GFRA1: variants seen among roughly 807,000 people sequenced by gnomAD.
GFRA1 encodes GDNF family receptor alpha-1.
GFRA1 carries 16 observed loss-of-function variants against 51.6 expected under a neutral mutation model. The ratio of observed to expected loss-of-function variants is 0.31; its 90% CI spans 0.21 to 0.47. The LOEUF (loss-of-function observed/expected upper bound fraction) is 0.47, where lower values mean the gene tolerates loss of function less well. GFRA1 is among the 20% of genes least tolerant of loss of function. The pLI is 1.00. For synonymous variants in GFRA1, 270 were observed against 241.3 expected (o/e 1.12, Z -1.10); for missense variants, 530 against 594.3 (o/e 0.89, Z 1.13).
At chr10:116,089,594 G>A in intron 9 of GFRA1, 147 bp downstream of exon 9, 1 of 772,686 alleles carries the variant, frequency 1.3e-6, no homozygotes, top group East Asian at 2.4e-5. Context: ...AATCTTCACT[G>A]GTTGTGTTTA....
At chr10:116,096,520 G>A in intron 7 of GFRA1, 135 bp downstream of exon 7, 1 of 682,450 alleles carries the variant, frequency 1.5e-6, no homozygotes, top group East Asian at 2.7e-5. Flanking sequence ...TGTCCTCAAG[G>A]ATTTAACATC....
At position 116,125,342 on chromosome 10, in the gene GFRA1, G is replaced by A. The variant is rs567690402; in HGVS notation, c.649C>T (p.Arg217Trp). The change falls in exon 6 of 11, where the codon CGG becomes TGG. Residue 217 changes from arginine to tryptophan, a missense_variant. By Grantham distance (101) the Arg-to-Trp change is moderately radical. Transcript: ENST00000355422. The stretch of plus-strand genomic sequence containing the variant: ...CTCCGCTCTGTGCAGGCGATGTCCC[G>A]GCAGGAGCAGAAGAGCATTCCGTAG... ...HSYGMLFCSC[R>W]DIACTERRRQ... The A allele has an allele frequency of 2.2e-5, 35 of 1,614,246 alleles. 2 individuals carry two copies. Among genetic ancestry groups the A allele is most frequent in the South Asian group, 2.1e-4 (19 of 91,088 alleles).
At chr10:116,136,244 A>T (rs995368772) in intron 5 of GFRA1, among the ~76,000 whole-genome samples, 1 of 152,220 alleles carries the variant, frequency 6.6e-6, no homozygotes, top group East Asian at 1.9e-4. Flanking sequence ...CTAACATCTC[A>T]TTAGCAGTAA....
chr10:116,079,716 T>C (rs1167983782), intron 9 of GFRA1, among the ~76,000 whole-genome samples: 2 of 152,060 alleles, frequency 1.3e-5, no homozygotes, highest in East Asian at 1.9e-4. Flanking sequence ...AAAATGTCAA[T>C]AGTGCCAATG....
Position 116,177,702 on chromosome 10 carries a change from C to T in GFRA1, c.433+33929G>A, listed in dbSNP as rs538567523. Among the ~76,000 whole-genome samples the T allele has an allele frequency of 6.6e-5, 10 of 151,166 alleles. No individual in the cohort carries two copies. In the South Asian group the frequency reaches 1.9e-3, roughly 29 times the overall value. ...GAAAATGAAACACATGCAGAAGAAA[C>T]GTAAACATACTTCCTGAATATCTGA... On this transcript the variant is annotated intron_variant, in intron 5 of 10. Transcript: ENST00000355422.
chr10:116,213,697 G>A (rs1410246648), intron 4 of GFRA1, among the ~76,000 whole-genome samples: 1 of 152,162 alleles, frequency 6.6e-6, no homozygotes, highest in Non-Finnish European at 1.5e-5. Context: ...TCAGTGGTGT[G>A]GCTGAGACAT....
chr10:116,229,760 T>C (rs1411698676), intron 4 of GFRA1, among the ~76,000 whole-genome samples: 1 of 152,162 alleles, frequency 6.6e-6, no homozygotes, highest in South Asian at 2.1e-4. Context: ...TATGTTACAC[T>C]GTTGGGACTC....
intron 5 of GFRA1, among the ~76,000 whole-genome samples, chr10:116,211,089 G>A (rs890364682): frequency 1.3e-5 from 2 of 152,156 alleles, no homozygotes; most frequent in African/African-American, 4.8e-5. Context: ...TAAAACAGAT[G>A]ACACTGCACA....
At chr10:116,119,559 T>A (rs897274514) in intron 6 of GFRA1, among the ~76,000 whole-genome samples, 1 of 152,236 alleles carries the variant, frequency 6.6e-6, no homozygotes, top group African/African-American at 2.4e-5. Flanking sequence ...AGTGCCAAAT[T>A]AATCTACCCA....
chr10:116,196,579 TATATAGTACTATATATAATATATATATAG>T (rs2134356484), intron 5 of GFRA1, among the ~76,000 whole-genome samples: 1 of 34,534 alleles, frequency 2.9e-5, no homozygotes, highest in South Asian at 1.8e-3. Context: ...ATATATATAA[TATATAGTACTATATATAATATATATATAG>T]TACTATATAT....
intron 9 of GFRA1, among the ~76,000 whole-genome samples, chr10:116,076,828 TG>T (rs1955638694): frequency 6.6e-6 from 1 of 152,210 alleles, no homozygotes; most frequent in Non-Finnish European, 1.5e-5. Context: ...CCGCTTTTAC[TG>T]GCTTTTGTTG....
intron 4 of GFRA1, among the ~76,000 whole-genome samples, chr10:116,268,873 A>C (rs1381502545): frequency 6.6e-6 from 1 of 152,254 alleles, no homozygotes; most frequent in African/African-American, 2.4e-5. Flanking sequence ...AACCACACAT[A>C]GAACTGCAAA....
intron 5 of GFRA1, among the ~76,000 whole-genome samples, chr10:116,144,918 G>A (rs547029921): frequency 6.6e-6 from 1 of 151,946 alleles, no homozygotes; most frequent in South Asian, 2.1e-4. Context: ...GGAGGCTGAG[G>A]AGGGCGGATC....
chr10:116,069,885 A>T (rs970007090), intron 9 of GFRA1, among the ~76,000 whole-genome samples: 2 of 152,134 alleles, frequency 1.3e-5, no homozygotes, highest in African/African-American at 2.4e-5. Context: ...CAGCATGCTC[A>T]CTCTGATTAT....
chr10:116,102,117 CAG>C (rs1956839051), intron 6 of GFRA1, among the ~76,000 whole-genome samples: 1 of 152,214 alleles, frequency 6.6e-6, no homozygotes. Flanking sequence ...AAGCCTTGCT[CAG>C]AGTCACATGG....
intron 6 of GFRA1, among the ~76,000 whole-genome samples, chr10:116,102,410 C>G (rs1247722577): frequency 6.6e-6 from 1 of 152,152 alleles, no homozygotes; most frequent in East Asian, 1.9e-4. Flanking sequence ...GTGAATTAGG[C>G]CCCCCTTTAT....
At chr10:116,119,454 C>T (rs1223005603) in intron 6 of GFRA1, among the ~76,000 whole-genome samples, 3 of 152,164 alleles carry the variant, frequency 2.0e-5, no homozygotes. Flanking sequence ...CTTGTATTTT[C>T]TCATATTCTA....
chr10:116,095,417 A>G (rs1956529368), intron 7 of GFRA1, among the ~76,000 whole-genome samples: 1 of 152,170 alleles, frequency 6.6e-6, no homozygotes, highest in Non-Finnish European at 1.5e-5. Context: ...TGCCTTGACT[A>G]CTTTTGTTAT....
At chr10:116,118,258 A>T (rs1957508791) in intron 6 of GFRA1, among the ~76,000 whole-genome samples, 1 of 152,172 alleles carries the variant, frequency 6.6e-6, no homozygotes, top group Non-Finnish European at 1.5e-5. Flanking sequence ...TCATGGGTCA[A>T]CTGCAAGAGC....
Sources: allele counts gnomAD v4.1 joint callset (sites outside exome capture counted in the v4.1 genomes callset), GRCh38; gene constraint gnomAD v4.1.1; transcripts MANE v1.5; gene names NCBI Gene and HGNC (gene_info 2026-07-23, HGNC 2026-07-21).